Variants in RTTN observed in about 807,000 individuals in gnomAD.
RTTN encodes rotatin.
A neutral mutation model predicts 269.2 loss-of-function variants in RTTN; 182 were observed. That is an observed-to-expected ratio of 0.68 (90% CI 0.60 to 0.76). RTTN has a LOEUF of 0.76. RTTN is among the 30% of genes least tolerant of loss of function. The probability of loss-of-function intolerance (pLI) is 0.00; values close to 1 mark genes in which losing one functional copy is unlikely to be tolerated. For synonymous variants in RTTN, 1,006 were observed against 963.5 expected (o/e 1.04, Z -0.82); for missense variants, 2,545 against 2,608.6 (o/e 0.98, Z 0.53).
intron 32 of RTTN, among the ~76,000 whole-genome samples, chr18:70,078,594 T>C (rs2058485650): frequency 6.6e-6 from 1 of 151,852 alleles, no homozygotes; most frequent in African/African-American, 2.4e-5. Context: ...CACACACATA[T>C]ACATGTATAC....
At chr18:70,170,014 G>C (rs2061096719) in intron 11 of RTTN, among the ~76,000 whole-genome samples, 1 of 152,078 alleles carries the variant, frequency 6.6e-6, no homozygotes, top group African/African-American at 2.4e-5. Flanking sequence ...ATGAAGATCA[G>C]AAACTACAGA....
At chr18:70,176,972 A>G (rs1350965042) in intron 10 of RTTN, 127 bp from the exon 11 acceptor site, 1 of 656,116 alleles carries the variant, frequency 1.5e-6, no homozygotes, top group East Asian at 3.0e-5. Flanking sequence ...TCAAAACAGA[A>G]TTTATTCCTG....
chr18:70,125,080 AACATAC>A (rs1339507429), intron 25 of RTTN, among the ~76,000 whole-genome samples: 1 of 152,080 alleles, frequency 6.6e-6, no homozygotes, highest in African/African-American at 2.4e-5. Flanking sequence ...CACATATAAA[AACATAC>A]ACATAAATTA....
chr18:70,109,851 A>G, intron 27 of RTTN, 134 bp from the exon 28 acceptor site: 1 of 656,870 alleles, frequency 1.5e-6, no homozygotes, highest in Non-Finnish European at 2.6e-6. Flanking sequence ...GGCAGAAAAT[A>G]GTCTCTATCA....
rs2058505016 is a variant in RTTN at position 70,079,312 on chromosome 18, C to T, written c.4375-3771G>A. Among the ~76,000 whole-genome samples the T allele has an allele frequency of 2.0e-5, 3 of 151,904 alleles. 1 individual carries two copies. The South Asian group carries it at 6.2e-4, about 32-fold the overall frequency. On this transcript the variant is annotated intron_variant, in intron 32 of 48. Coordinates refer to ENST00000640769, the MANE Select transcript of RTTN (RefSeq NM_173630.4). Reference sequence around the variant, plus strand: ...AGAAAACCGAGTAATCTGAAATAGGCACATATTACATAAAAATTATTTTAT... The same window carrying T: ...AGAAAACCGAGTAATCTGAAATAGGTACATATTACATAAAAATTATTTTAT...
chr18:70,031,345 GTCA>G, intron 40 of RTTN: 1 of 400,136 alleles, frequency 2.5e-6, no homozygotes. Flanking sequence ...CAGGAGAACT[GTCA>G]TCAATTTCCT....
chr18:70,025,916 T>C (rs933152947), intron 43 of RTTN, among the ~76,000 whole-genome samples: 2 of 152,204 alleles, frequency 1.3e-5, no homozygotes, highest in Admixed American at 1.3e-4. Context: ...CACCAGTTAG[T>C]TCTCCTCTTG....
Position 70,092,131 on chromosome 18 carries a change from T to C in RTTN, c.4122A>G (p.Leu1374=). The C allele has an allele frequency of 6.2e-7, 1 of 1,611,536 alleles. No individual in the cohort carries two copies. The highest frequency in any genetic ancestry group is 8.5e-7 in the Non-Finnish European group (1 of 1,177,828). Residue 1374 remains leucine, a synonymous_variant, in exon 30 of 49, where the codon TTA becomes TTG. Transcript: ENST00000640769. ...TCACCTCTGGGTCCCGATCAACCCA[T>C]AATGGAATCAACCAAGCCAATCCTT... ...TQQGLAWLIP[L]WVDRDPEVRF...
At chr18:70,071,083 C>G (rs961539072) in intron 34 of RTTN, among the ~76,000 whole-genome samples, 5 of 152,156 alleles carry the variant, frequency 3.3e-5, no homozygotes, top group Non-Finnish European at 7.4e-5. Flanking sequence ...AAGGAGGAAG[C>G]AAACATACTT....
intron 36 of RTTN, among the ~76,000 whole-genome samples, chr18:70,059,595 C>T (rs2057917245): frequency 6.6e-6 from 1 of 152,058 alleles, no homozygotes; most frequent in Non-Finnish European, 1.5e-5. Context: ...GGTTTAGAAT[C>T]CATGAATTTT....
intron 7 of RTTN, chr18:70,194,306 G>A (rs991080650): frequency 6.6e-6 from 1 of 152,170 alleles, no homozygotes; most frequent in African/African-American, 2.4e-5. Flanking sequence ...AAATGAACAA[G>A]TCAGTGATGA....
At chr18:70,051,754 C>T (rs1035872387) in intron 38 of RTTN, among the ~76,000 whole-genome samples, 1 of 152,090 alleles carries the variant, frequency 6.6e-6, no homozygotes, top group South Asian at 2.1e-4. Context: ...TCCCCTCCAC[C>T]CTCCTGCATA....
intron 10 of RTTN, 33 bp from the exon 11 acceptor site, chr18:70,176,878 A>C (rs773920149): frequency 1.3e-6 from 2 of 1,579,044 alleles, no homozygotes; most frequent in Non-Finnish European, 1.7e-6. Context: ...AAACAGAAGA[A>C]AACAACCAAT....
intron 14 of RTTN, among the ~76,000 whole-genome samples, chr18:70,155,011 C>T (rs191448658): frequency 7.2e-5 from 11 of 152,256 alleles, no homozygotes; most frequent in African/African-American, 2.6e-4. Context: ...GAAGGAGGCT[C>T]CTGCAACTTC....
At chr18:70,138,434 C>T (rs1425902381) in intron 21 of RTTN, 1 of 151,996 alleles carries the variant, frequency 6.6e-6, no homozygotes, top group African/African-American at 2.4e-5. Context: ...ATTATATTGC[C>T]TTGAAATGTG....
At chr18:70,097,717 T>C (rs191231449) in intron 28 of RTTN, among the ~76,000 whole-genome samples, 9 of 152,366 alleles carry the variant, frequency 5.9e-5, no homozygotes, top group Admixed American at 5.9e-4. Flanking sequence ...TAAATTTTAT[T>C]ACCTCAAAGA....
intron 28 of RTTN, among the ~76,000 whole-genome samples, chr18:70,101,357 T>C (rs2059159396): frequency 6.6e-6 from 1 of 152,254 alleles, no homozygotes; most frequent in Admixed American, 6.5e-5. Flanking sequence ...TTCTAGTTTA[T>C]TTGCATAGAG....
chr18:70,064,576 C>A (rs1416526215), intron 35 of RTTN, among the ~76,000 whole-genome samples: 3 of 151,970 alleles, frequency 2.0e-5, no homozygotes, highest in Non-Finnish European at 4.4e-5. Flanking sequence ...GTGAAAGAAG[C>A]CAGTCACACA....
chr18:70,044,967 G>C (rs1376905004), intron 40 of RTTN, among the ~76,000 whole-genome samples: 2 of 152,186 alleles, frequency 1.3e-5, no homozygotes, highest in African/African-American at 4.8e-5. Context: ...CTACAGATAA[G>C]AGGAGACTAC....
Sources: allele counts gnomAD v4.1 joint callset (sites outside exome capture counted in the v4.1 genomes callset), GRCh38; gene constraint gnomAD v4.1.1; transcripts MANE v1.5; gene names NCBI Gene and HGNC (gene_info 2026-07-23, HGNC 2026-07-21).